The following CFAP221 variants were observed in gnomAD, a reference collection of about 807,000 sequenced individuals.
CFAP221 encodes cilia- and flagella-associated protein 221.
A neutral mutation model predicts 113.1 loss-of-function variants in CFAP221; 97 were observed. The ratio of observed to expected loss-of-function variants is 0.86; its 90% confidence interval spans 0.73 to 1.02. The LOEUF is 1.02. Ranked by LOEUF, CFAP221 falls within the 50% of genes least tolerant of loss-of-function variation. The pLI is 0.00. For missense variants in CFAP221, 1,025 were observed against 1,013.4 expected, an observed-to-expected ratio of 1.01 and a Z score of -0.16; for synonymous variants, 331 against 354.4, an observed-to-expected ratio of 0.93 and a Z score of 0.74.
intron 19 of CFAP221, among the ~76,000 whole-genome samples, chr2:119,637,065 G>A (rs1179930986): frequency 6.6e-6 from 1 of 152,138 alleles, no homozygotes; most frequent in Non-Finnish European, 1.5e-5. Context: ...CATAGGGTGG[G>A]CCCAGCCCCA....
rs371002550 is a variant in CFAP221 at position 119,613,924 on chromosome 2, ACCATATC to A, written c.1312-1686_1312-1680del. Among the ~76,000 whole-genome samples, 28 of 152,244 alleles carry A rather than the reference ACCATATC, an allele frequency of 1.8e-4. No homozygotes were observed. In the East Asian group the frequency reaches 5.4e-3, roughly 29 times the overall value. ...CTTTTCAGCATAAGTTCAATTCCAA[ACCATATC>A]TTCGTGAATACATAAAACTGAATGC... is the stretch of plus-strand genomic sequence containing the variant. On this transcript the variant is annotated intron_variant, in intron 13 of 23. Coordinates refer to ENST00000413369, the MANE Select transcript of CFAP221 (RefSeq NM_001271049.2).
chr2:119,650,377 G>T (rs1254808063), intron 22 of CFAP221, among the ~76,000 whole-genome samples: 1 of 152,200 alleles, frequency 6.6e-6, no homozygotes. Flanking sequence ...TTCTTGAGAG[G>T]ACTGCAGCCA....
At chr2:119,636,868 G>C (rs1018197956) in intron 19 of CFAP221, among the ~76,000 whole-genome samples, 1 of 152,138 alleles carries the variant, frequency 6.6e-6, no homozygotes, top group African/African-American at 2.4e-5. Context: ...ACAACTATGG[G>C]AGACAGTGCC....
intron 6 of CFAP221, among the ~76,000 whole-genome samples, chr2:119,571,145 T>TG (rs1293658867): frequency 1.4e-5 from 2 of 146,302 alleles, no homozygotes; most frequent in Non-Finnish European, 3.0e-5. Flanking sequence ...TTTTTTTTTT[T>TG]TTTTTTTTTT....
intron 13 of CFAP221, among the ~76,000 whole-genome samples, chr2:119,615,211 T>A (rs1421491673): frequency 6.6e-6 from 1 of 152,200 alleles, no homozygotes; most frequent in Non-Finnish European, 1.5e-5. Flanking sequence ...GGACAATACA[T>A]GTGTCAGCGC....
At chr2:119,649,374 C>T (rs1409419621) in intron 22 of CFAP221, among the ~76,000 whole-genome samples, 1 of 152,168 alleles carries the variant, frequency 6.6e-6, no homozygotes, top group Non-Finnish European at 1.5e-5. Flanking sequence ...ATTTACAACT[C>T]ATGATGGGTC....
intron 14 of CFAP221, among the ~76,000 whole-genome samples, chr2:119,620,881 T>A (rs1316531735): frequency 1.4e-5 from 2 of 147,896 alleles, no homozygotes; most frequent in East Asian, 2.0e-4. Flanking sequence ...AGGCTCAAAA[T>A]AAAGGGATGG....
At chr2:119,609,698 C>G (rs561278811) in intron 12 of CFAP221, among the ~76,000 whole-genome samples, 1 of 152,306 alleles carries the variant, frequency 6.6e-6, no homozygotes, top group East Asian at 1.9e-4. Context: ...GGCTTCAATA[C>G]AGGAATTTCG....
At chr2:119,626,797 G>A (rs1686338094) in intron 15 of CFAP221, among the ~76,000 whole-genome samples, 1 of 151,946 alleles carries the variant, frequency 6.6e-6, no homozygotes, top group South Asian at 2.1e-4. Context: ...AGGACCGGTG[G>A]CATATGCCTG....
chr2:119,611,865 C>A, intron 13 of CFAP221, 123 bp downstream of exon 13: 1 of 762,292 alleles, frequency 1.3e-6, no homozygotes, highest in Admixed American at 2.9e-5. Context: ...TTTTAATTTG[C>A]ATACATTTTC....
At chr2:119,560,130 C>T in intron 5 of CFAP221, 104 bp downstream of exon 5, 1 of 915,066 alleles carries the variant, frequency 1.1e-6, no homozygotes, top group East Asian at 2.6e-5. Context: ...CCACTGAGAG[C>T]TTTCTTGGCC....
chr2:119,631,108 G>A (rs565974357), intron 19 of CFAP221: 23 of 1,234,296 alleles, frequency 1.9e-5, no homozygotes, highest in Admixed American at 7.3e-5. Flanking sequence ...CATTTTTAAT[G>A]AAAATAATTT....
chr2:119,599,310 C>T (rs115954870), intron 7 of CFAP221, among the ~76,000 whole-genome samples: 4,204 of 152,202 alleles, frequency 0.028, 70 homozygotes, highest in Non-Finnish European at 0.041. Context: ...CAAGGGAACG[C>T]GAGTTCAGTA....
chr2:119,630,945 T>C (rs746651685), intron 19 of CFAP221, 44 bp downstream of exon 19: 1 of 1,603,046 alleles, frequency 6.2e-7, no homozygotes. Flanking sequence ...TGTTCCTTTA[T>C]TTCAGCAATT....
chr2:119,620,006 C>G (rs1210932304), intron 14 of CFAP221, among the ~76,000 whole-genome samples: 1 of 151,902 alleles, frequency 6.6e-6, no homozygotes, highest in Non-Finnish European at 1.5e-5. Flanking sequence ...TGAAGATCAA[C>G]TTGATGAAAT....
chr2:119,595,946 A>G (rs1683936569), intron 7 of CFAP221, among the ~76,000 whole-genome samples: 1 of 151,928 alleles, frequency 6.6e-6, no homozygotes, highest in African/African-American at 2.4e-5. Flanking sequence ...CAATGGTCAC[A>G]TTCAAGGGAA....
chr2:119,633,095 G>A (rs2177094), intron 19 of CFAP221, among the ~76,000 whole-genome samples: 148,923 of 152,168 alleles, frequency 0.98, 72,971 homozygotes, highest in Non-Finnish European at 1. Context: ...AAGGTCAGAG[G>A]TAATTCATTA....
chr2:119,627,214 G>A lies in CFAP221; in HGVS notation c.1517-439G>A, dbSNP rs1415121720. ...TCTGCCACTCCACTGAGACCCAAAT[G>A]TGTATTTTGTTTTTCAAAATATTGT... On this transcript the variant is annotated intron_variant, in intron 15 of 23. Transcript: ENST00000413369. 2.0e-5 allele frequency among the ~76,000 whole-genome samples: 3 copies of A among 151,786 alleles called. No individual in the cohort carries two copies. The East Asian group carries it at 5.8e-4, about 29-fold the overall frequency.
intron 22 of CFAP221, among the ~76,000 whole-genome samples, chr2:119,647,625 T>A (rs536859855): frequency 6.6e-6 from 1 of 152,098 alleles, no homozygotes; most frequent in Admixed American, 6.5e-5. Flanking sequence ...AGCTCACACG[T>A]GTACGTCCAG....
Sources: allele counts gnomAD v4.1 joint callset (sites outside exome capture counted in the v4.1 genomes callset), GRCh38; gene constraint gnomAD v4.1.1; transcripts MANE v1.5; gene names NCBI Gene and HGNC (gene_info 2026-07-23, HGNC 2026-07-21).